SLIT3: variants seen among roughly 807,000 people sequenced by gnomAD.
SLIT3 encodes the protein slit guidance ligand 3, also known as slit homolog 3 protein.
Under a neutral mutation model 184.0 loss-of-function variants are expected in SLIT3, and 68 were observed. That is an observed-to-expected ratio of 0.37 (90% CI 0.30 to 0.45). The LOEUF (loss-of-function observed/expected upper bound fraction) is 0.45, where lower values mean the gene tolerates loss of function less well. Ranked by LOEUF, SLIT3 falls within the 20% of genes least tolerant of loss-of-function variation. SLIT3 has a pLI of 1.00. For synonymous variants in SLIT3, 831 were observed against 828.6 expected, an observed-to-expected ratio of 1.00 and a Z score of -0.05; for missense variants, 1,707 against 2,026.0, an observed-to-expected ratio of 0.84 and a Z score of 3.02.
At chr5:169,296,021 T>C (rs527807846) in intron 1 of SLIT3, among the ~76,000 whole-genome samples, 12 of 152,250 alleles carry the variant, frequency 7.9e-5, no homozygotes, top group Admixed American at 2.6e-4. Context: ...GACTCCAGAG[T>C]AGATCACTCA....
intron 5 of SLIT3, among the ~76,000 whole-genome samples, chr5:168,872,084 C>T (rs566994483): frequency 6.6e-5 from 10 of 152,318 alleles, no homozygotes; most frequent in Non-Finnish European, 1.3e-4. Flanking sequence ...TGCTGACCTG[C>T]TCTATGCACT....
At chr5:169,122,884 A>G (rs1023633127) in intron 4 of SLIT3, among the ~76,000 whole-genome samples, 2 of 152,160 alleles carry the variant, frequency 1.3e-5, no homozygotes, top group African/African-American at 4.8e-5. Flanking sequence ...CTTCTACAAA[A>G]TCCTTGAACT....
chr5:169,118,557 T>G (rs1044355206), intron 4 of SLIT3, among the ~76,000 whole-genome samples: 2 of 152,228 alleles, frequency 1.3e-5, no homozygotes, highest in African/African-American at 2.4e-5. Context: ...CAAGACCCAT[T>G]GTTAACCCAG....
At position 168,672,448 on chromosome 5, in the gene SLIT3, G is replaced by A. The variant is rs1171829603; in HGVS notation, c.3841+729C>T. Among the ~76,000 whole-genome samples, 3 of 152,172 alleles carry A rather than the reference G, an allele frequency of 2.0e-5. No individual in the cohort carries two copies. In the East Asian group the frequency reaches 5.8e-4, roughly 29 times the overall value. Reference sequence around the variant, plus strand: ...GCAGGGGCTGCATTTCAGGCCCAGAGTCTGCCTAACTGATGGCTACTTTTT... The same window carrying A: ...GCAGGGGCTGCATTTCAGGCCCAGAATCTGCCTAACTGATGGCTACTTTTT... On this transcript the variant is annotated intron_variant, in intron 33 of 35. Coordinates refer to ENST00000519560, the MANE Select transcript of SLIT3 (RefSeq NM_003062.4).
chr5:168,886,862 T>A (rs1315515933), intron 4 of SLIT3, among the ~76,000 whole-genome samples: 1 of 152,136 alleles, frequency 6.6e-6, no homozygotes, highest in Non-Finnish European at 1.5e-5. Flanking sequence ...ATTAACCAAC[T>A]GATTATTCCA....
intron 4 of SLIT3, among the ~76,000 whole-genome samples, chr5:169,106,333 T>G (rs1359596578): frequency 6.6e-6 from 1 of 152,126 alleles, no homozygotes; most frequent in Non-Finnish European, 1.5e-5. Context: ...GAGCGACTAG[T>G]GCTGGGACTG....
chr5:168,978,478 G>A (rs1428321056), intron 4 of SLIT3, among the ~76,000 whole-genome samples: 1 of 152,054 alleles, frequency 6.6e-6, no homozygotes, highest in Non-Finnish European at 1.5e-5. Flanking sequence ...TGATTTTAAG[G>A]GCCTAGAGGT....
intron 4 of SLIT3, among the ~76,000 whole-genome samples, chr5:169,014,095 G>GC (rs1228853768): frequency 3.0e-4 from 44 of 144,628 alleles, no homozygotes; most frequent in African/African-American, 5.8e-4. Context: ...TTGTGGGAAG[G>GC]AAGGCAGGCA....
At chr5:169,120,123 T>C (rs1355577430) in intron 4 of SLIT3, 1 of 152,242 alleles carries the variant, frequency 6.6e-6, no homozygotes. Flanking sequence ...TGCTACCTTT[T>C]GTCCCATTTA....
At chr5:168,908,695 G>A (rs1761159501) in intron 4 of SLIT3, among the ~76,000 whole-genome samples, 1 of 152,130 alleles carries the variant, frequency 6.6e-6, no homozygotes, top group South Asian at 2.1e-4. Context: ...GCAACTCTGA[G>A]GACCAGCAAG....
intron 3 of SLIT3, among the ~76,000 whole-genome samples, chr5:169,201,713 C>A (rs1763908741): frequency 6.6e-6 from 1 of 152,298 alleles, no homozygotes; most frequent in Admixed American, 6.5e-5. Flanking sequence ...AACATGTGGC[C>A]TCCAAGGCTG....
At chr5:169,142,064 A>T (rs1174268204) in intron 4 of SLIT3, among the ~76,000 whole-genome samples, 1 of 89,182 alleles carries the variant, frequency 1.1e-5, no homozygotes, top group Non-Finnish European at 2.0e-5. Context: ...AAAAAATAAA[A>T]ATAAAAATAA....
intron 16 of SLIT3, among the ~76,000 whole-genome samples, chr5:168,759,736 C>T (rs1380715096): frequency 2.6e-5 from 4 of 152,104 alleles, no homozygotes; most frequent in South Asian, 2.1e-4. Flanking sequence ...TGTGAAGGCA[C>T]GGAGAGTCTT....
At chr5:168,926,634 A>G (rs1447100763) in intron 4 of SLIT3, among the ~76,000 whole-genome samples, 1 of 151,962 alleles carries the variant, frequency 6.6e-6, no homozygotes, top group Admixed American at 6.6e-5. Context: ...GTCATTGCTT[A>G]AAAGATAAAT....
At chr5:169,019,138 C>A (rs1300011139) in intron 4 of SLIT3, among the ~76,000 whole-genome samples, 1 of 152,214 alleles carries the variant, frequency 6.6e-6, no homozygotes, top group African/African-American at 2.4e-5. Context: ...AGTGACATGG[C>A]ACTCAGAATT....
At chr5:169,089,699 G>T (rs895736229) in intron 4 of SLIT3, among the ~76,000 whole-genome samples, 17 of 152,154 alleles carry the variant, frequency 1.1e-4, no homozygotes, top group African/African-American at 2.9e-4. Flanking sequence ...GGAGCCCTAA[G>T]GACCCTCCAT....
At chr5:168,931,542 G>A (rs941774451) in intron 4 of SLIT3, among the ~76,000 whole-genome samples, 2 of 152,126 alleles carry the variant, frequency 1.3e-5, no homozygotes, top group Non-Finnish European at 2.9e-5. Flanking sequence ...AAAATCTCAA[G>A]TCACAATTTT....
intron 4 of SLIT3, among the ~76,000 whole-genome samples, chr5:168,929,863 C>A (rs775316865): frequency 4.6e-5 from 7 of 152,188 alleles, no homozygotes; most frequent in African/African-American, 1.7e-4. Context: ...GCAGAGGAGG[C>A]GGGTGTTTCC....
intron 4 of SLIT3, among the ~76,000 whole-genome samples, chr5:169,137,778 G>A (rs1457373247): frequency 4.6e-5 from 7 of 151,630 alleles, no homozygotes; most frequent in African/African-American, 1.7e-4. Context: ...TTCCCACGAT[G>A]TGAGACTTTC....
Sources: allele counts gnomAD v4.1 joint callset (sites outside exome capture counted in the v4.1 genomes callset), GRCh38; gene constraint gnomAD v4.1.1; transcripts MANE v1.5; gene names NCBI Gene and HGNC (gene_info 2026-07-23, HGNC 2026-07-21).